Variants in RNF152 observed in about 807,000 individuals in gnomAD.
RNF152 encodes the protein ring finger protein 152.
Under a neutral mutation model 12.7 loss-of-function variants are expected in RNF152, and 11 were observed. The ratio of observed to expected loss-of-function variants is 0.86; its 90% CI spans 0.54 to 1.43. The LOEUF (loss-of-function observed/expected upper bound fraction) is 1.43. Ranked by LOEUF, RNF152 falls within the 40% of genes most tolerant of loss-of-function variation. The pLI is 0.00. For missense variants in RNF152, 255 were observed against 274.8 expected (o/e 0.93, Z 0.51); for synonymous variants, 113 against 120.3 (o/e 0.94, Z 0.40).
At position 61,809,047 on chromosome 18, in the gene RNF152, C is replaced by T. The variant is rs1912831466; in HGVS notation, c.*6805G>A. On this transcript the variant is annotated 3_prime_UTR_variant, in exon 2 of 2. Transcript: ENST00000312828. ...TGCTTGACTAAGTTGTCCTAGTTGT[C>T]CTGTGCTTCTTTCTCCAGCTGGTTT... 4 of 152,404 alleles carry T rather than the reference C, an allele frequency of 2.6e-5. 1 individual carries two copies. In the South Asian group the frequency reaches 8.3e-4, roughly 32 times the overall value. 9.4% of individuals were successfully genotyped at this position (152,404 alleles called of 1,614,324 possible).
At position 61,815,911 on chromosome 18, in the gene RNF152, T is replaced by C. The variant is rs1465677916; in HGVS notation, c.553A>G (p.Ile185Val). ...VACVLVFLLG[I>V]VLHNMSCISK... ...ATGCAAGACATGTTGTGAAGCACGA[T>C]GCCGAGGAGGAAGACCAAGACGCAA... Residue 185 changes from isoleucine (I) to valine (V), a missense_variant, in exon 2 of 2, where the codon ATC becomes GTC. Ile to Val is a conservative substitution (Grantham distance 29, BLOSUM62 3). Transcript: ENST00000312828. 2 of 1,614,088 alleles carry C rather than the reference T, an allele frequency of 1.2e-6. No homozygotes were observed. The highest frequency in any genetic ancestry group is 1.7e-6 in the Non-Finnish European group (2 of 1,180,048).
Position 61,808,387 on chromosome 18 carries a change from T to TAAAAAAAAAAAAAAAAAAAA in RNF152, c.*7445_*7464dup, listed in dbSNP as rs34966668. On this transcript the variant is annotated 3_prime_UTR_variant, in exon 2 of 2. Transcript: ENST00000312828. ...TTTATCTGTAGGGCTATTTGGCCCT[T>TAAAAAAAAAAAAAAAAAAAA]AAAAAAAAAAAAAAAAAAAAAAAAA... 9 of 50,788 alleles carry TAAAAAAAAAAAAAAAAAAAA rather than the reference T, an allele frequency of 1.8e-4. No homozygotes were observed. Among genetic ancestry groups the TAAAAAAAAAAAAAAAAAAAA allele is most frequent in the Non-Finnish European group, 3.1e-4 (8 of 25,764 alleles). 3.1% of individuals were successfully genotyped at this position (50,788 alleles called of 1,614,324 possible). A position where few individuals can be genotyped will look rare whatever the true frequency, so the allele number is the denominator to read the frequency against.
Position 61,816,558 on chromosome 18 carries a change from G to A in RNF152, c.-95C>T. The A allele has an allele frequency of 7.2e-7, 1 of 1,388,054 alleles. No individual in the cohort carries two copies. The highest frequency in any genetic ancestry group is 1.4e-5 in the African/African-American group (1 of 69,664). 86.0% of individuals were successfully genotyped at this position (1,388,054 alleles called of 1,614,324 possible). On this transcript the variant is annotated 5_prime_UTR_variant, in exon 2 of 2. Transcript: ENST00000312828. ...CTGTGTCTTTGCAGTGCAGGTAATG[G>A]CAAGCTCACAGGCATCCAGTACTCA... is the stretch of plus-strand genomic sequence containing the variant.
At chr18:61,823,631 C>T (rs1166972414) in intron 1 of RNF152, among the ~76,000 whole-genome samples, 1 of 152,226 alleles carries the variant, frequency 6.6e-6, no homozygotes, top group Admixed American at 6.5e-5. Flanking sequence ...CATATTTAAA[C>T]AGGGAATAGG....
intron 1 of RNF152, among the ~76,000 whole-genome samples, chr18:61,861,764 GGT>G (rs1911496336): frequency 6.6e-6 from 1 of 152,168 alleles, no homozygotes; most frequent in South Asian, 2.1e-4. Context: ...GAGATCACAT[GGT>G]GAGAGAGGAA....
At chr18:61,862,347 G>C (rs1265051628) in intron 1 of RNF152, among the ~76,000 whole-genome samples, 1 of 152,210 alleles carries the variant, frequency 6.6e-6, no homozygotes. Flanking sequence ...CTAAGGCTCA[G>C]TTGGATCAGG....
intron 1 of RNF152, among the ~76,000 whole-genome samples, chr18:61,829,058 C>T (rs896983720): frequency 6.6e-6 from 1 of 152,072 alleles, no homozygotes; most frequent in East Asian, 1.9e-4. Flanking sequence ...GGAGGCAGTG[C>T]CCAGGGTGGT....
At chr18:61,835,154 C>G (rs949942739) in intron 1 of RNF152, among the ~76,000 whole-genome samples, 1 of 152,130 alleles carries the variant, frequency 6.6e-6, no homozygotes, top group Non-Finnish European at 1.5e-5. Context: ...TTTGACCCAG[C>G]AAAAGTATTT....
At chr18:61,835,127 C>T (rs1599278174) in intron 1 of RNF152, among the ~76,000 whole-genome samples, 1 of 152,276 alleles carries the variant, frequency 6.6e-6, no homozygotes, top group East Asian at 1.9e-4. Context: ...TCTAATAAAG[C>T]TACATATGAT....
intron 1 of RNF152, among the ~76,000 whole-genome samples, chr18:61,822,279 C>G (rs960883332): frequency 2.0e-4 from 31 of 152,000 alleles, no homozygotes; most frequent in Admixed American, 6.5e-4. Context: ...CCTCATAAAA[C>G]AGTACATAGT....
At chr18:61,876,915 G>A (rs551684867) in intron 1 of RNF152, among the ~76,000 whole-genome samples, 21 of 152,320 alleles carry the variant, frequency 1.4e-4, no homozygotes, top group African/African-American at 4.6e-4. Context: ...AAGACACCTA[G>A]CAGGATATTT....
At chr18:61,838,518 C>T (rs938411521) in intron 1 of RNF152, among the ~76,000 whole-genome samples, 6 of 152,156 alleles carry the variant, frequency 3.9e-5, no homozygotes, top group Admixed American at 1.3e-4. Context: ...ATGAAATGGA[C>T]CTCAGTGTGA....
intron 1 of RNF152, among the ~76,000 whole-genome samples, chr18:61,858,657 T>C (rs537165401): frequency 2.0e-5 from 3 of 152,278 alleles, no homozygotes; most frequent in African/African-American, 7.2e-5. Context: ...AGGTCTGGCC[T>C]TGTTCTTACT....
intron 1 of RNF152, among the ~76,000 whole-genome samples, chr18:61,844,982 G>A (rs1910685179): frequency 6.6e-6 from 1 of 152,184 alleles, no homozygotes; most frequent in South Asian, 2.1e-4. Flanking sequence ...CCTCCTGAGG[G>A]CCATAAGTGG....
intron 1 of RNF152, among the ~76,000 whole-genome samples, chr18:61,883,397 T>G (rs367863712): frequency 6.6e-6 from 1 of 152,320 alleles, no homozygotes; most frequent in East Asian, 1.9e-4. Flanking sequence ...TTAATAATAA[T>G]AAATATCCCA....
At chr18:61,858,551 GC>G (rs1911327059) in intron 1 of RNF152, among the ~76,000 whole-genome samples, 2 of 151,938 alleles carry the variant, frequency 1.3e-5, no homozygotes, top group Non-Finnish European at 2.9e-5. Flanking sequence ...CCTGAAGGAT[GC>G]CCTGGGCCCC....
intron 1 of RNF152, among the ~76,000 whole-genome samples, chr18:61,886,802 T>C (rs898153589): frequency 6.6e-6 from 1 of 152,218 alleles, no homozygotes; most frequent in Non-Finnish European, 1.5e-5. Context: ...ACTTCAATCG[T>C]AGGTGATAAT....
chr18:61,877,480 T>C (rs887986380), intron 1 of RNF152, among the ~76,000 whole-genome samples: 1 of 152,210 alleles, frequency 6.6e-6, no homozygotes, highest in Non-Finnish European at 1.5e-5. Context: ...TTAAAATGCA[T>C]TATACATAAA....
intron 1 of RNF152, among the ~76,000 whole-genome samples, chr18:61,844,086 G>GAAAGAAAGAAAGAAAGAAAGAA (rs1910597467): frequency 4.5e-4 from 29 of 63,830 alleles, no homozygotes; most frequent in South Asian, 1.1e-3. Context: ...AGGAAAGAAA[G>GAAAGAAAGAAAGAAAGAAAGAA]AAAGAAAGAA....
Sources: gnomAD v4.1 joint callset for allele counts (sites outside exome capture counted in the v4.1 genomes callset) on GRCh38, gnomAD v4.1.1 for gene constraint, MANE v1.5 for transcripts, NCBI Gene and HGNC (gene_info 2026-07-23, HGNC 2026-07-21) for gene names.